SDK1: variants seen among roughly 807,000 people sequenced by gnomAD.
SDK1 encodes the protein sidekick cell adhesion molecule 1, also known as protein sidekick-1.
A neutral mutation model predicts 245.5 loss-of-function variants in SDK1; 157 were observed. That is an observed-to-expected ratio of 0.64 (90% confidence interval 0.56 to 0.73). SDK1 has a LOEUF of 0.73. Ranked by LOEUF, SDK1 falls within the 30% of genes least tolerant of loss-of-function variation. SDK1 has a pLI of 0.00. For missense variants in SDK1, 3,583 were observed against 3,002.3 expected (o/e 1.19, Z -4.52); for synonymous variants, 1,647 against 1,278.5 (o/e 1.29, Z -6.15).
intron 22 of SDK1, among the ~76,000 whole-genome samples, chr7:4,102,350 G>C (rs1782611811): frequency 6.6e-6 from 1 of 152,180 alleles, no homozygotes; most frequent in South Asian, 2.1e-4. Context: ...CTCAGTGTCT[G>C]TGGAAGTTGC....
At chr7:3,335,216 A>C (rs4236325) in intron 1 of SDK1, among the ~76,000 whole-genome samples, 119,771 of 152,092 alleles carry the variant, frequency 0.79, 48,070 homozygotes, top group East Asian at 0.94. Context: ...GATTATAAAT[A>C]CTATTGCACT....
At chr7:3,421,425 A>G (rs1003098108) in intron 1 of SDK1, among the ~76,000 whole-genome samples, 2 of 152,178 alleles carry the variant, frequency 1.3e-5, no homozygotes, top group African/African-American at 4.8e-5. Flanking sequence ...TTGTCACTAA[A>G]TAATTATGAT....
At chr7:4,153,305 G>A (rs912218103) in intron 30 of SDK1, among the ~76,000 whole-genome samples, 3 of 151,920 alleles carry the variant, frequency 2.0e-5, no homozygotes, top group African/African-American at 7.3e-5. Context: ...GATCAGATGG[G>A]CTGGGCATGG....
chr7:3,665,082 A>G (rs1035674479), intron 4 of SDK1, among the ~76,000 whole-genome samples: 2 of 152,194 alleles, frequency 1.3e-5, no homozygotes, highest in Non-Finnish European at 2.9e-5. Context: ...GTCTGTAAGA[A>G]AGAGTGGACT....
chr7:3,716,898 G>GA (rs1399585343), intron 4 of SDK1, among the ~76,000 whole-genome samples: 2 of 151,984 alleles, frequency 1.3e-5, no homozygotes, highest in African/African-American at 4.8e-5. Context: ...TGCAACTACA[G>GA]AAAAGAAAGA....
intron 22 of SDK1, among the ~76,000 whole-genome samples, chr7:4,093,458 C>CAAAAAAAAAAAAAAAAAAA (rs71032922): frequency 1.3e-5 from 1 of 77,784 alleles, no homozygotes; most frequent in African/African-American, 3.7e-5. Flanking sequence ...AAATGGAAAG[C>CAAAAAAAAAAAAAAAAAAA]AAAAAAAAAA....
intron 35 of SDK1, among the ~76,000 whole-genome samples, chr7:4,194,748 G>A (rs1783482588): frequency 6.6e-6 from 1 of 152,114 alleles, no homozygotes; most frequent in Admixed American, 6.5e-5. Context: ...CACATTAAGG[G>A]TGGGTCTGCT....
intron 1 of SDK1, among the ~76,000 whole-genome samples, chr7:3,588,213 A>G (rs1583199989): frequency 1.3e-5 from 2 of 152,324 alleles, no homozygotes; most frequent in East Asian, 3.9e-4. Context: ...AGCAAAACAT[A>G]CCTGTTACTT....
intron 5 of SDK1, among the ~76,000 whole-genome samples, chr7:3,864,808 G>C (rs188665473): frequency 6.6e-6 from 1 of 152,326 alleles, no homozygotes; most frequent in East Asian, 1.9e-4. Context: ...GTGAGGGAAA[G>C]AATGAGGGAG....
intron 14 of SDK1, among the ~76,000 whole-genome samples, chr7:3,996,481 G>C (rs1048728138): frequency 1.3e-5 from 2 of 152,110 alleles, no homozygotes; most frequent in Non-Finnish European, 2.9e-5. Context: ...TAGTAATTCT[G>C]GTTTTCCGTC....
chr7:4,201,449 A>G (rs938339845), intron 35 of SDK1, among the ~76,000 whole-genome samples: 2 of 152,378 alleles, frequency 1.3e-5, no homozygotes, highest in African/African-American at 2.4e-5. Flanking sequence ...ACTGAGGAAT[A>G]TACAATTTTT....
At chr7:3,621,483 TAAG>T (rs1458780882) in intron 2 of SDK1, among the ~76,000 whole-genome samples, 2 of 152,194 alleles carry the variant, frequency 1.3e-5, no homozygotes, top group Non-Finnish European at 2.9e-5. Context: ...TTCTTCCTAA[TAAG>T]AAGTAGGCAT....
intron 2 of SDK1, among the ~76,000 whole-genome samples, chr7:3,625,226 C>G (rs1222879165): frequency 6.6e-6 from 1 of 151,988 alleles, no homozygotes; most frequent in Admixed American, 6.6e-5. Context: ...TCAGATTATA[C>G]CAGGAGAAAG....
At chr7:3,821,070 G>C (rs1351105394) in intron 4 of SDK1, among the ~76,000 whole-genome samples, 2 of 152,206 alleles carry the variant, frequency 1.3e-5, no homozygotes, top group African/African-American at 2.4e-5. Context: ...CTGGGTCAGG[G>C]TTGTGGTGGT....
intron 14 of SDK1, among the ~76,000 whole-genome samples, chr7:3,988,732 A>G (rs1056320337): frequency 6.6e-6 from 1 of 152,070 alleles, no homozygotes; most frequent in Non-Finnish European, 1.5e-5. Context: ...TACCTCCACA[A>G]AGAAGCTCTC....
At chr7:3,553,056 A>G (rs1425171801) in intron 1 of SDK1, among the ~76,000 whole-genome samples, 2 of 151,712 alleles carry the variant, frequency 1.3e-5, no homozygotes, top group African/African-American at 2.4e-5. Flanking sequence ...ATTTAAAAGT[A>G]CTCCTCATCC....
chr7:3,412,620 T>G (rs1031437123), intron 1 of SDK1, among the ~76,000 whole-genome samples: 4 of 152,230 alleles, frequency 2.6e-5, no homozygotes, highest in Non-Finnish European at 5.9e-5. Context: ...CAAGTAAAGC[T>G]GTAGGATAAA....
At chr7:3,434,799 G>C (rs904443708) in intron 1 of SDK1, among the ~76,000 whole-genome samples, 2 of 151,646 alleles carry the variant, frequency 1.3e-5, no homozygotes, top group African/African-American at 4.9e-5. Flanking sequence ...AGTGTAGATA[G>C]AATCATGGGG....
At position 3,693,070 on chromosome 7, in the gene SDK1, A is replaced by G. The variant is rs1784478512; in HGVS notation, c.713+50965A>G. On this transcript the variant is annotated intron_variant, in intron 4 of 44. Transcript: ENST00000404826. ...GACATATAATAAAATTTTAGATGCC[A>G]TATTATATATTAATATGACTTAATA... Among the ~76,000 whole-genome samples, 3 of 152,048 alleles carry G rather than the reference A, an allele frequency of 2.0e-5. No homozygotes were observed. In the South Asian group the frequency reaches 6.2e-4, roughly 31 times the overall value.
Sources: allele counts gnomAD v4.1 joint callset (sites outside exome capture counted in the v4.1 genomes callset), GRCh38; gene constraint gnomAD v4.1.1; transcripts MANE v1.5; gene names NCBI Gene and HGNC (gene_info 2026-07-23, HGNC 2026-07-21).